The following PTPRF variants were observed in gnomAD, a reference collection of about 807,000 sequenced individuals.
The protein encoded by PTPRF is protein tyrosine phosphatase receptor type F.
A neutral mutation model predicts 201.8 loss-of-function variants in PTPRF; 59 were observed. That is an observed-to-expected ratio of 0.29 (90% CI 0.24 to 0.36). The LOEUF (loss-of-function observed/expected upper bound fraction) is 0.36, where lower values mean the gene tolerates loss of function less well. Among genes scored for constraint, PTPRF ranks in the 10% least tolerant of loss-of-function variants. The probability of loss-of-function intolerance (pLI) is 1.00; values close to 1 mark genes in which losing one functional copy is unlikely to be tolerated. For synonymous variants in PTPRF, 1,088 were observed against 1,089.7 expected, an observed-to-expected ratio of 1.00 and a Z score of 0.03; for missense variants, 2,132 against 2,690.5, an observed-to-expected ratio of 0.79 and a Z score of 4.59.
At chr1:43,578,581 T>C (rs1204849584) in intron 6 of PTPRF, among the ~76,000 whole-genome samples, 1 of 152,172 alleles carries the variant, frequency 6.6e-6, no homozygotes, top group Non-Finnish European at 1.5e-5. Flanking sequence ...CTTGCTGGAC[T>C]GTGGGGAGCA....
intron 1 of PTPRF, among the ~76,000 whole-genome samples, chr1:43,535,870 G>A (rs1643968344): frequency 6.6e-6 from 1 of 152,174 alleles, no homozygotes; most frequent in African/African-American, 2.4e-5. Flanking sequence ...CACCTCCTGG[G>A]CTCAAGTGAT....
At chr1:43,589,204 G>A (rs962497544) in intron 8 of PTPRF, among the ~76,000 whole-genome samples, 2 of 152,052 alleles carry the variant, frequency 1.3e-5, no homozygotes, top group Non-Finnish European at 1.5e-5. Flanking sequence ...AATAGTTAAG[G>A]CATATTGAGT....
At chr1:43,597,725 T>TG in intron 11 of PTPRF, 23 bp from the exon 12 acceptor site, 16 of 1,376,506 alleles carry the variant, frequency 1.2e-5, no homozygotes, top group Non-Finnish European at 1.4e-5. Context: ...TCTGCTTGCT[T>TG]CCCCCCCATT....
rs555893108 is a variant in PTPRF at position 43,569,751 on chromosome 1, A to G, written c.541A>G (p.Asn181Asp). 1.9e-6 allele frequency: 3 copies of G among 1,612,818 alleles called. No individual in the cohort carries two copies. The Admixed American group carries it at 5.0e-5, about 27-fold the overall frequency. Residue 181 changes from asparagine (N) to aspartate (D), a missense_variant, in exon 6 of 34, where the codon AAC (asparagine) becomes GAC (aspartate). By Grantham distance (23) the Asn-to-Asp change is conservative. Coordinates refer to ENST00000359947, the MANE Select transcript of PTPRF (RefSeq NM_002840.5). ...CCTTCCTGTAGACCCTGCCACGAGC[A>G]ACGGCCGCATCAAGCAGCTGCGTTC... ...DFLPVDPATSNGRIKQLRSGA... is the reference protein window; with the variant it reads ...DFLPVDPATSDGRIKQLRSGA...
At chr1:43,538,455 C>T (rs984967727) in intron 2 of PTPRF, among the ~76,000 whole-genome samples, 178 bp downstream of exon 2, 1 of 152,096 alleles carries the variant, frequency 6.6e-6, no homozygotes, top group South Asian at 2.1e-4. Context: ...ACCAGGGAGG[C>T]AGTGACAGAA....
rs1658329063 is a variant in PTPRF at position 43,618,170 on chromosome 1, T to C, written c.4371+259T>C. On this transcript the variant is annotated intron_variant, in intron 25 of 33. Transcript: ENST00000359947. ...GTCATTTTCGGAGAATGTTAATGTG[T>C]TCCCCAGTTGCTGGCGTGTTCCCGG... Among the ~76,000 whole-genome samples the C allele has an allele frequency of 2.6e-5, 4 of 152,182 alleles. No homozygotes were observed. The South Asian group carries it at 8.3e-4, about 31-fold the overall frequency.
chr1:43,609,237 C>T (rs948843950), intron 21 of PTPRF, 146 bp from the exon 22 acceptor site: 2 of 651,780 alleles, frequency 3.1e-6, no homozygotes, highest in African/African-American at 1.8e-5. Flanking sequence ...GCCCTGGCTC[C>T]TCCGCGCTCA....
intron 6 of PTPRF, chr1:43,575,838 T>A: frequency 2.3e-6 from 3 of 1,288,852 alleles, no homozygotes; most frequent in South Asian, 1.2e-5. Flanking sequence ...CTGATTTGGC[T>A]TTGTGTGGCT....
At position 43,569,753 on chromosome 1, in the gene PTPRF, C is replaced by T. The variant is rs372286913; in HGVS notation, c.543C>T (p.Asn181=). The T allele has an allele frequency of 6.0e-5, 97 of 1,612,180 alleles. No individual in the cohort carries two copies. The highest frequency in any genetic ancestry group is 1.6e-4 in the Middle Eastern group (1 of 6,062). ...DFLPVDPATS[N]GRIKQLRSGA... Reference sequence around the variant, plus strand: ...TTCCTGTAGACCCTGCCACGAGCAACGGCCGCATCAAGCAGCTGCGTTCAG... The same window carrying T: ...TTCCTGTAGACCCTGCCACGAGCAATGGCCGCATCAAGCAGCTGCGTTCAG... Residue 181 remains asparagine (N), a synonymous_variant, in exon 6 of 34, where the codon AAC becomes AAT. Transcript: ENST00000359947.
At chr1:43,536,669 T>C (rs571711342) in intron 1 of PTPRF, among the ~76,000 whole-genome samples, 22 of 152,276 alleles carry the variant, frequency 1.4e-4, no homozygotes, top group South Asian at 1.2e-3. Context: ...GCCTTTAAGT[T>C]TGGGGCCTGG....
chr1:43,576,333 T>C (rs1570199150), intron 6 of PTPRF, among the ~76,000 whole-genome samples: 1 of 152,188 alleles, frequency 6.6e-6, no homozygotes, highest in Admixed American at 6.5e-5. Flanking sequence ...CAGTCTCTTT[T>C]GGGGGGACCT....
chr1:43,566,775 G>A (rs1011647389), intron 5 of PTPRF, among the ~76,000 whole-genome samples: 9 of 152,266 alleles, frequency 5.9e-5, no homozygotes, highest in East Asian at 3.9e-4. Flanking sequence ...GCAGACTTCC[G>A]AGTGCTGCCT....
intron 14 of PTPRF, among the ~76,000 whole-genome samples, chr1:43,602,655 C>T (rs908834160): frequency 1.3e-5 from 2 of 152,176 alleles, no homozygotes; most frequent in African/African-American, 4.8e-5. Flanking sequence ...ACTCTTCTCT[C>T]TGTGTGGTGT....
At chr1:43,586,455 G>C (rs773713182) in intron 7 of PTPRF, among the ~76,000 whole-genome samples, 30 of 152,180 alleles carry the variant, frequency 2.0e-4, no homozygotes, top group Non-Finnish European at 3.4e-4. Context: ...TTTGAGGTGC[G>C]TGCTCAGAGA....
chr1:43,560,851 G>A (rs1645758530), intron 5 of PTPRF, among the ~76,000 whole-genome samples: 2 of 152,154 alleles, frequency 1.3e-5, no homozygotes. Context: ...ACCCCACCAA[G>A]CCCACAGTCC....
chr1:43,543,395 TG>T (rs1644471134), intron 2 of PTPRF, among the ~76,000 whole-genome samples: 1 of 152,198 alleles, frequency 6.6e-6, no homozygotes, highest in Non-Finnish European at 1.5e-5. Flanking sequence ...TTGGTGTAAA[TG>T]GGGCTGGACA....
intron 7 of PTPRF, chr1:43,579,270 A>C (rs1647155416): frequency 2.0e-6 from 1 of 508,632 alleles, no homozygotes; most frequent in Non-Finnish European, 4.0e-6. Context: ...ACACGGGCAC[A>C]CTTATCTGTG....
intron 6 of PTPRF, 105 bp downstream of exon 6, chr1:43,569,883 A>T: frequency 3.9e-6 from 5 of 1,276,400 alleles, no homozygotes; most frequent in Non-Finnish European, 5.2e-6. Flanking sequence ...TCCAGGGCTG[A>T]GCGGAGGGTA....
At chr1:43,620,638 C>T in intron 31 of PTPRF, 59 bp downstream of exon 31, 1 of 1,588,974 alleles carries the variant, frequency 6.3e-7, no homozygotes, top group Non-Finnish European at 8.6e-7. Context: ...GGGTGGATGG[C>T]TGCCTGCATG....
Sources: gnomAD v4.1 joint callset for allele counts (sites outside exome capture counted in the v4.1 genomes callset) on GRCh38, gnomAD v4.1.1 for gene constraint, MANE v1.5 for transcripts, NCBI Gene and HGNC (gene_info 2026-07-23, HGNC 2026-07-21) for gene names.